EDDM13: variants seen among roughly 807,000 people sequenced by gnomAD.
The protein encoded by EDDM13 is epididymal protein 13.
Under a neutral mutation model 17.8 loss-of-function variants are expected in EDDM13, and 24 were observed. That is an observed-to-expected ratio of 1.35 (90% confidence interval 0.98 to 1.90). The LOEUF is 1.90. EDDM13 is among the 40% of genes most tolerant of loss of function. EDDM13 has a pLI of 0.00. For synonymous variants in EDDM13, 31 were observed against 37.5 expected (o/e 0.83, Z 0.63); for missense variants, 97 against 100.8 (o/e 0.96, Z 0.16).
rs535375628 is a variant in EDDM13 at position 56,285,239 on chromosome 19, GT to G, written c.154+221del. Among the ~76,000 whole-genome samples, 6 of 152,304 alleles carry G rather than the reference GT, an allele frequency of 3.9e-5. 1 individual carries two copies. Among genetic ancestry groups the G allele is most frequent in the African/African-American group, 1.4e-4 (6 of 41,560 alleles). On this transcript the variant is annotated intron_variant, in intron 6 of 14. Coordinates refer to ENST00000649256, the MANE Select transcript of EDDM13 (RefSeq NM_001354658.2). Reference sequence around the variant, plus strand: ...TGCCTAATAATTATTATGCTGTGGAGTTTTTTAAGTTTTATAAATAGCATAT... The same window carrying G: ...TGCCTAATAATTATTATGCTGTGGAGTTTTTAAGTTTTATAAATAGCATAT...
chr19:56,293,336 A>T (rs1437489719), intron 9 of EDDM13, among the ~76,000 whole-genome samples: 1 of 152,184 alleles, frequency 6.6e-6, no homozygotes, highest in Non-Finnish European at 1.5e-5. Flanking sequence ...GAATAACTTA[A>T]GCCCAGTCTG....
chr19:56,307,225 G>A (rs528916759), intron 14 of EDDM13, among the ~76,000 whole-genome samples: 139 of 152,140 alleles, frequency 9.1e-4, no homozygotes, highest in African/African-American at 2.0e-3. Context: ...CTCCCACGTC[G>A]CCTGCCTTTC....
At chr19:56,299,969 G>A (rs1043729594) in intron 12 of EDDM13, 3 of 152,122 alleles carry the variant, frequency 2.0e-5, no homozygotes, top group African/African-American at 7.2e-5. Context: ...AGCCAGGCAA[G>A]AGAAAGGTAA....
At chr19:56,291,064 C>T (rs973935733) in intron 9 of EDDM13, among the ~76,000 whole-genome samples, 3 of 152,146 alleles carry the variant, frequency 2.0e-5, no homozygotes, top group African/African-American at 4.8e-5. Flanking sequence ...GTCTGGGATA[C>T]GGTGGGTCTG....
chr19:56,305,396 T>C (rs550408593), intron 14 of EDDM13, among the ~76,000 whole-genome samples: 3 of 152,354 alleles, frequency 2.0e-5, no homozygotes, highest in East Asian at 3.9e-4. Context: ...AGGTTCATCA[T>C]GGTATACCTT....
chr19:56,273,297 T>C (rs768216975), intron 1 of EDDM13, among the ~76,000 whole-genome samples: 8 of 152,194 alleles, frequency 5.3e-5, no homozygotes, highest in Non-Finnish European at 7.3e-5. Flanking sequence ...TTACCATAGT[T>C]AGATAATTCT....
intron 9 of EDDM13, among the ~76,000 whole-genome samples, chr19:56,292,439 G>GT (rs1177298841): frequency 3.1e-5 from 4 of 129,626 alleles, no homozygotes; most frequent in Non-Finnish European, 5.2e-5. Flanking sequence ...ATTATTTTTG[G>GT]TTTTTTTGTC....
chr19:56,298,205 G>A (rs1036329373), intron 12 of EDDM13: 19 of 152,212 alleles, frequency 1.2e-4, no homozygotes, highest in African/African-American at 4.1e-4. Context: ...GAAGAAGAGA[G>A]TATCATAGCA....
rs1021998547 is a variant in EDDM13 at position 56,301,956 on chromosome 19, G to A, written c.296-12G>A. 2.0e-5 allele frequency: 25 copies of A among 1,231,872 alleles called. No individual in the cohort carries two copies. Among genetic ancestry groups the A allele is most frequent in the African/African-American group, 7.8e-5 (5 of 64,344 alleles). The allele number at this position is 1,231,872 out of a possible 1,614,324, so 76.3% of individuals were successfully genotyped here. A position where few individuals can be genotyped will look rare whatever the true frequency, so the allele number is the denominator to read the frequency against. On this transcript the variant is annotated splice_polypyrimidine_tract_variant and intron_variant, in intron 12 of 14. Transcript: ENST00000649256. ...GGCCATCAGCATCAATCATCTCCAC[G>A]GTTCTCTCCAGTTAAACCCTTCTCA...
At chr19:56,304,718 G>C in intron 13 of EDDM13, 75 bp from the exon 14 acceptor site, 1 of 868,208 alleles carries the variant, frequency 1.2e-6, no homozygotes, top group Non-Finnish European at 1.4e-6. Context: ...GGGAGAAAGG[G>C]AGGTAAGGAA....
intron 2 of EDDM13, among the ~76,000 whole-genome samples, chr19:56,280,165 T>C (rs2038580812): frequency 6.6e-6 from 1 of 152,206 alleles, no homozygotes; most frequent in South Asian, 2.1e-4. Context: ...TGTTTCTATT[T>C]TTACAAAAAA....
At chr19:56,289,052 G>T (rs2039335814) in intron 8 of EDDM13, among the ~76,000 whole-genome samples, 161 bp downstream of exon 8, 1 of 152,162 alleles carries the variant, frequency 6.6e-6, no homozygotes, top group Admixed American at 6.6e-5. Flanking sequence ...TTCTGCCAAA[G>T]AATCTAAGCT....
chr19:56,299,201 G>A (rs990908074), intron 12 of EDDM13, among the ~76,000 whole-genome samples: 1 of 151,418 alleles, frequency 6.6e-6, no homozygotes. Flanking sequence ...GTATGATCAC[G>A]GCTCACCACA....
chr19:56,302,595 T>TCCCTCTTCTTCCTCC (rs1600236365), intron 13 of EDDM13, among the ~76,000 whole-genome samples: 37 of 37,480 alleles, frequency 9.9e-4, no homozygotes, highest in African/African-American at 5.2e-3. Flanking sequence ...TTTCTTCCTC[T>TCCCTCTTCTTCCTCC]CCCTCTTCTT....
At chr19:56,302,900 C>T (rs1407926203) in intron 13 of EDDM13, 8 of 398,468 alleles carry the variant, frequency 2.0e-5, no homozygotes, top group Non-Finnish European at 3.5e-5. Flanking sequence ...GGTTGAGCTA[C>T]CTTCAAGAAG....
chr19:56,302,564 C>G, intron 13 of EDDM13, among the ~76,000 whole-genome samples: 3 of 88,444 alleles, frequency 3.4e-5, no homozygotes, highest in African/African-American at 1.2e-4. Flanking sequence ...TCCCTCCCCC[C>G]TTCCTTTTCT....
At chr19:56,293,284 G>C (rs1002151359) in intron 9 of EDDM13, among the ~76,000 whole-genome samples, 1 of 152,180 alleles carries the variant, frequency 6.6e-6, no homozygotes, top group Non-Finnish European at 1.5e-5. Context: ...GTAAGAGAGG[G>C]AGAGTCGCTT....
At chr19:56,291,043 C>T (rs1287524988) in intron 9 of EDDM13, among the ~76,000 whole-genome samples, 197 bp downstream of exon 9, 5 of 152,112 alleles carry the variant, frequency 3.3e-5, no homozygotes, top group African/African-American at 4.8e-5. Context: ...TGTGGAGAGC[C>T]GTGAGGGTGT....
At chr19:56,293,028 T>A (rs866291221) in intron 9 of EDDM13, among the ~76,000 whole-genome samples, 10 of 152,330 alleles carry the variant, frequency 6.6e-5, no homozygotes, top group South Asian at 2.1e-4. Flanking sequence ...TTGGTCCACA[T>A]TCAAAGCCAT....
Sources: gnomAD v4.1 joint callset for allele counts (sites outside exome capture counted in the v4.1 genomes callset) on GRCh38, gnomAD v4.1.1 for gene constraint, MANE v1.5 for transcripts, NCBI Gene and HGNC (gene_info 2026-07-23, HGNC 2026-07-21) for gene names.